Variants in PCDHGB2 observed in about 807,000 individuals in gnomAD.
PCDHGB2 encodes protocadherin gamma subfamily B, 2.
PCDHGB2 carries 55 observed loss-of-function variants against 59.3 expected under a neutral mutation model. That is an observed-to-expected ratio of 0.93 (90% CI 0.75 to 1.16). The LOEUF (loss-of-function observed/expected upper bound fraction) is 1.16. Among genes scored for constraint, PCDHGB2 ranks in the 50% most tolerant of loss-of-function variants. PCDHGB2 has a pLI of 0.00. For synonymous variants in PCDHGB2, 516 were observed against 512.0 expected (o/e 1.01, Z -0.11); for missense variants, 1,228 against 1,198.5 (o/e 1.02, Z -0.36).
intron 1 of PCDHGB2, chr5:141,422,550 G>A: frequency 6.2e-7 from 1 of 1,613,978 alleles, no homozygotes; most frequent in Non-Finnish European, 8.5e-7. Flanking sequence ...ATGTCTGGCT[G>A]AATGTGGCAG....
intron 1 of PCDHGB2, chr5:141,384,677 C>T (rs919957351): frequency 2.5e-6 from 4 of 1,614,188 alleles, no homozygotes; most frequent in South Asian, 1.1e-5. Context: ...AAGGTGGTGG[C>T]GGTGGACAAA....
At chr5:141,475,829 G>A (rs1408248560) in intron 1 of PCDHGB2, 5 of 386,748 alleles carry the variant, frequency 1.3e-5, no homozygotes, top group Non-Finnish European at 2.3e-5. Flanking sequence ...GCGCTAGCGC[G>A]TGTCCTGCTC....
At chr5:141,420,064 C>T (rs1204112062) in intron 1 of PCDHGB2, 1 of 1,614,052 alleles carries the variant, frequency 6.2e-7, no homozygotes, top group Non-Finnish European at 8.5e-7. Context: ...GCTCCAAGTC[C>T]GGACCTGTGG....
chr5:141,466,375 C>A (rs2099121518), intron 1 of PCDHGB2, among the ~76,000 whole-genome samples: 1 of 152,042 alleles, frequency 6.6e-6, no homozygotes, highest in Non-Finnish European at 1.5e-5. Context: ...GGTTTTGGCA[C>A]CCATCTAATG....
chr5:141,378,334 C>T (rs1228314593), intron 1 of PCDHGB2: 1 of 152,202 alleles, frequency 6.6e-6, no homozygotes, highest in East Asian at 1.9e-4. Flanking sequence ...ACCAGCCTGA[C>T]CAACATGGTG....
intron 1 of PCDHGB2, chr5:141,421,720 G>T: frequency 6.2e-7 from 1 of 1,613,906 alleles, no homozygotes. Context: ...AGATGTGGGC[G>T]TGAACTCCCT....
intron 1 of PCDHGB2, chr5:141,400,717 G>A: frequency 1.5e-6 from 1 of 672,320 alleles, no homozygotes; most frequent in Non-Finnish European, 2.5e-6. Context: ...TAGCCTTATA[G>A]ATTTACAAAG....
rs375915850 is a variant in PCDHGB2, at chr5:141,397,975, G to A, written c.2421+35419G>A. The A allele has an allele frequency of 2.3e-4, 272 of 1,189,006 alleles. 1 individual carries two copies. Among genetic ancestry groups the A allele is most frequent in the African/African-American group, 9.9e-4 (64 of 64,918 alleles). 73.7% of individuals were successfully genotyped at this position (1,189,006 alleles called of 1,614,324 possible). ...GCCCCAGCTCAGACTCCCCAGCGCC[G>A]GCCTTTACACCGCTTCCTCCTCGGA... On this transcript the variant is annotated intron_variant, in intron 1 of 3. Transcript: ENST00000522605.
At chr5:141,510,366 T>A (rs1452829030) in intron 3 of PCDHGB2, among the ~76,000 whole-genome samples, 1 of 140,062 alleles carries the variant, frequency 7.1e-6, no homozygotes, top group Non-Finnish European at 1.6e-5. Context: ...AACTACCGAA[T>A]CTCTACTCGT....
chr5:141,499,689 C>CTTTT (rs545067566), intron 2 of PCDHGB2, among the ~76,000 whole-genome samples: 17 of 119,848 alleles, frequency 1.4e-4, no homozygotes, highest in East Asian at 2.4e-4. Context: ...TAACAGATGA[C>CTTTT]TTTTTTTTTT....
At chr5:141,385,577 T>A in intron 1 of PCDHGB2, 1 of 1,290,108 alleles carries the variant, frequency 7.8e-7, no homozygotes, top group Non-Finnish European at 9.8e-7. Context: ...TACTTTCCAA[T>A]CTATGTTCCA....
At chr5:141,498,830 G>T (rs2099786149) in intron 2 of PCDHGB2, among the ~76,000 whole-genome samples, 1 of 152,080 alleles carries the variant, frequency 6.6e-6, no homozygotes, top group Non-Finnish European at 1.5e-5. Context: ...CTACTCAGGA[G>T]GCTGAGGCAG....
chr5:141,365,052 T>TG, intron 1 of PCDHGB2: 1 of 1,613,872 alleles, frequency 6.2e-7, no homozygotes. Context: ...AATGCGCCCC[T>TG]GTTCACCCCA....
intron 1 of PCDHGB2, chr5:141,410,165 T>G: frequency 1.9e-6 from 3 of 1,613,714 alleles, no homozygotes; most frequent in Non-Finnish European, 2.5e-6. Flanking sequence ...GCCGCCACTC[T>G]CTGCCACCGC....
chr5:141,431,354 G>C lies in PCDHGB2; in HGVS notation c.2422-63453G>C. 6.2e-7 allele frequency: 1 copy of C among 1,614,036 alleles called. No individual in the cohort carries two copies. Among genetic ancestry groups the C allele is most frequent in the Non-Finnish European group, 8.5e-7 (1 of 1,180,038 alleles). ...GTACCCCGAATTGGTGCTGAAACGC[G>C]CCCTGGACCGCGAAGAAAAGGCTGC... On this transcript the variant is annotated intron_variant, in intron 1 of 3. Transcript: ENST00000522605. This position sits in a 1 kb window ranked among gnomAD's most constrained non-coding sequence, Gnocchi z 4.8.
rs2099394923 is a variant in PCDHGB2 at position 141,476,611 on chromosome 5, A to G, written c.2422-18196A>G. On this transcript the variant is annotated intron_variant, in intron 1 of 3. Coordinates refer to ENST00000522605, the MANE Select transcript of PCDHGB2 (RefSeq NM_018923.3). The surrounding 1 kb of genome is among the most constrained non-coding windows in gnomAD (Gnocchi z 7.6). ...AGAGCGCGCACGATCCCGATGTGGG[A>G]AGCAACTCTTTACAAACCTATGAGC... 6.2e-7 allele frequency: 1 copy of G among 1,614,092 alleles called. No individual in the cohort carries two copies. Among genetic ancestry groups the G allele is most frequent in the Non-Finnish European group, 8.5e-7 (1 of 1,180,042 alleles).
intron 2 of PCDHGB2, among the ~76,000 whole-genome samples, chr5:141,504,179 A>C (rs1247627456): frequency 6.6e-6 from 1 of 152,240 alleles, no homozygotes; most frequent in Non-Finnish European, 1.5e-5. Context: ...AATTCAAAAA[A>C]ATCATGAAAA....
Position 141,361,437 on chromosome 5 carries a change from C to T in PCDHGB2, c.1302C>T (p.Ser434=). The T allele has an allele frequency of 6.2e-7, 1 of 1,614,058 alleles. No homozygotes were observed. Among genetic ancestry groups the T allele is most frequent in the Non-Finnish European group, 8.5e-7 (1 of 1,179,894 alleles). Residue 434 remains serine, a synonymous_variant, in exon 1 of 4, where the codon TCC becomes TCT. Coordinates refer to ENST00000522605, the MANE Select transcript of PCDHGB2 (RefSeq NM_018923.3). Reference sequence around the variant, plus strand: ...ACGGGGGCAAGCCGCCCCTCTCCTCCAGCATAATTGTCACCCTGCACATCT... The same window carrying T: ...ACGGGGGCAAGCCGCCCCTCTCCTCTAGCATAATTGTCACCCTGCACATCT... ...ATDGGKPPLS[S]SIIVTLHISD... is the part of the protein sequence containing the mutation.
chr5:141,482,514 G>A (rs2099563611), intron 1 of PCDHGB2, among the ~76,000 whole-genome samples: 1 of 130,122 alleles, frequency 7.7e-6, no homozygotes. Flanking sequence ...CCAGAGTACA[G>A]TATGAGACAG....
Sources: gnomAD v4.1 joint callset for allele counts (sites outside exome capture counted in the v4.1 genomes callset) on GRCh38, gnomAD v4.1.1 for gene constraint, Gnocchi (gnomAD v3.1) non-coding constraint, MANE v1.5 for transcripts, NCBI Gene and HGNC (gene_info 2026-07-23, HGNC 2026-07-21) for gene names.